The following RNF38 variants were observed in gnomAD, a reference collection of about 807,000 sequenced individuals.
RNF38 encodes the protein E3 ubiquitin-protein ligase RNF38.
Under a neutral mutation model 67.2 loss-of-function variants are expected in RNF38, and 15 were observed. The observed-to-expected ratio is 0.22, with a 90% CI of 0.15 to 0.34. The LOEUF (loss-of-function observed/expected upper bound fraction) is 0.34. RNF38 is among the 10% of genes least tolerant of loss of function. The pLI is 1.00. For missense variants in RNF38, 524 were observed against 639.9 expected (o/e 0.82, Z 1.95); for synonymous variants, 220 against 218.8 (o/e 1.01, Z -0.05).
rs1833511493 is a variant in RNF38, at chr9:36,349,040, A to G, written c.1263+2075T>C. Among the ~76,000 whole-genome samples, 4 of 152,090 alleles carry G rather than the reference A, an allele frequency of 2.6e-5. No homozygotes were observed. In the South Asian group the frequency reaches 8.3e-4, roughly 32 times the overall value. ...ATCTGCCATTCTGTGGGCCCTTAAG[A>G]AATTATGCTAAATCTACACTGCCCA... On this transcript the variant is annotated intron_variant, in intron 9 of 11. Coordinates refer to ENST00000259605, the MANE Select transcript of RNF38 (RefSeq NM_022781.5).
chr9:36,451,339 T>C (rs10972909), intron 1 of RNF38, among the ~76,000 whole-genome samples: 101,186 of 151,088 alleles, frequency 0.67, 33,948 homozygotes, highest in Non-Finnish European at 0.69. Context: ...GTGGCACGCA[T>C]CTATAATCCC....
chr9:36,402,173 A>T (rs1838060433), upstream of RNF38, among the ~76,000 whole-genome samples: 1 of 152,206 alleles, frequency 6.6e-6, no homozygotes, highest in Non-Finnish European at 1.5e-5. Flanking sequence ...CAATAACATC[A>T]TAGGTTTTGG....
intron 1 of RNF38, among the ~76,000 whole-genome samples, chr9:36,444,645 C>T (rs1268601475): frequency 6.6e-6 from 1 of 152,062 alleles, no homozygotes; most frequent in Non-Finnish European, 1.5e-5. Context: ...ACCAAAAATA[C>T]AAAAATTAGC....
At chr9:36,444,598 G>C (rs1456000283) in intron 1 of RNF38, among the ~76,000 whole-genome samples, 1 of 152,168 alleles carries the variant, frequency 6.6e-6, no homozygotes, top group Non-Finnish European at 1.5e-5. Context: ...TCAGGAGTTT[G>C]AGACCAGCCT....
intron 10 of RNF38, 52 bp from the exon 11 acceptor site, chr9:36,342,476 G>A: frequency 9.0e-7 from 1 of 1,110,876 alleles, no homozygotes; most frequent in East Asian, 2.4e-5. Flanking sequence ...GTTTTCTATT[G>A]TTATGACTAC....
chr9:36,477,532 G>A (rs1211698072), intron 1 of RNF38, among the ~76,000 whole-genome samples: 1 of 151,570 alleles, frequency 6.6e-6, no homozygotes, highest in African/African-American at 2.4e-5. Flanking sequence ...TAAAAGGTTA[G>A]TGTAGTTGGC....
rs773380104 is a variant in RNF38 at position 36,339,731 on chromosome 9, A to T, written c.*21T>A. The T allele has an allele frequency of 6.2e-7, 1 of 1,604,610 alleles. No homozygotes were observed. Among genetic ancestry groups the T allele is most frequent in the Non-Finnish European group, 8.5e-7 (1 of 1,172,746 alleles). On this transcript the variant is annotated 3_prime_UTR_variant, in exon 12 of 12. Transcript: ENST00000259605. Reference sequence around the variant, plus strand: ...CATGTGATGAGGAACACCCAAACTAAATTTGTGCTTCTTAGGTTGGTCATT... The same window carrying T: ...CATGTGATGAGGAACACCCAAACTATATTTGTGCTTCTTAGGTTGGTCATT...
chr9:36,339,664 T>A lies in RNF38; in HGVS notation c.*88A>T, dbSNP rs1436166940. 9.5e-7 allele frequency: 1 copy of A among 1,051,734 alleles called. No individual in the cohort carries two copies. The highest frequency in any genetic ancestry group is 1.5e-6 in the Non-Finnish European group (1 of 688,552). The allele number at this position is 1,051,734 out of a possible 1,614,324, so 65.2% of individuals were successfully genotyped here. ...TTGACCCTTTTGGTAAAGGGAGGGC[T>A]GGAAGCCACACAGATTAAGTTCAAT... On this transcript the variant is annotated 3_prime_UTR_variant, in exon 12 of 12. Transcript: ENST00000259605.
rs1170443929 is a variant in RNF38, at chr9:36,369,918, C to T, written c.371G>A (p.Arg124His). ...ARNRRSPPVR[R>H]QRGRRDRLSR... ...CAGACGATCCCTTCTTCCTCTCTGG[C>T]GCCTGACAGGAGGACTGTGATAAAT... Residue 124 changes from arginine (R) to histidine (H), a missense_variant, in exon 4 of 12, where the codon CGC becomes CAC. Physicochemically the swap from Arg to His is conservative, Grantham distance 29. This residue lies in a region of RNF38 where 461 missense variants were observed against 517.4 expected (regional missense o/e 0.89). Coordinates refer to ENST00000259605, the MANE Select transcript of RNF38 (RefSeq NM_022781.5). The T allele has an allele frequency of 6.2e-7, 1 of 1,612,102 alleles. No homozygotes were observed. The highest frequency in any genetic ancestry group is 8.5e-7 in the Non-Finnish European group (1 of 1,179,596).
chr9:36,400,715 C>T (rs1428588958), upstream of RNF38: 1 of 985,596 alleles, frequency 1.0e-6, no homozygotes, highest in African/African-American at 1.7e-5. Flanking sequence ...GGCACTGTCA[C>T]TGCGCTTCCT....
intron 2 of RNF38, among the ~76,000 whole-genome samples, chr9:36,414,483 G>A (rs889414060): frequency 1.3e-5 from 2 of 151,966 alleles, no homozygotes; most frequent in Non-Finnish European, 2.9e-5. Flanking sequence ...TTGGGAGTTC[G>A]AGACCAGCCT....
chr9:36,402,246 C>T (rs559220432), upstream of RNF38, among the ~76,000 whole-genome samples: 2 of 152,268 alleles, frequency 1.3e-5, no homozygotes, highest in East Asian at 3.9e-4. Flanking sequence ...CATATCCACC[C>T]CAAACCCATA....
intron 1 of RNF38, among the ~76,000 whole-genome samples, chr9:36,453,069 C>T (rs1047793297): frequency 3.3e-5 from 5 of 152,064 alleles, no homozygotes; most frequent in South Asian, 2.1e-4. Flanking sequence ...TTTTGAGGAA[C>T]GGCCAAACTG....
rs2134427655 is a variant in RNF38, at chr9:36,474,959, T to C, written n.241+12349A>G. 1.4e-5 allele frequency among the ~76,000 whole-genome samples: 2 copies of C among 146,872 alleles called. 1 individual carries two copies. Among genetic ancestry groups the C allele is most frequent in the African/African-American group, 5.1e-5 (2 of 39,590 alleles). ...GAGTTCAAAACCAGCCTGGCCAACA[T>C]GGTGAAACCCCATGTCTACTAAAAA... is the stretch of plus-strand genomic sequence containing the variant. On this transcript the variant is annotated intron_variant and non_coding_transcript_variant, in intron 1 of 3. Transcript: ENST00000488058.
intron 1 of RNF38, among the ~76,000 whole-genome samples, chr9:36,399,542 T>G (rs12350206): frequency 0.017 from 2,550 of 147,532 alleles, 74 homozygotes; most frequent in African/African-American, 0.061. Context: ...TAAATATATA[T>G]TTATAAACCC....
At chr9:36,455,764 A>AT (rs1159479576) in intron 1 of RNF38, among the ~76,000 whole-genome samples, 1 of 151,670 alleles carries the variant, frequency 6.6e-6, no homozygotes, top group Non-Finnish European at 1.5e-5. Context: ...TCTCTACTAA[A>AT]AGTACAAAAA....
chr9:36,390,715 G>A, intron 1 of RNF38, 99 bp from the exon 2 acceptor site: 1 of 1,192,058 alleles, frequency 8.4e-7, no homozygotes, highest in Non-Finnish European at 1.2e-6. Flanking sequence ...GGTATTTGAT[G>A]ATTCTGCTAG....
chr9:36,487,324 G>A, exon 1 of RNF38: 1 of 985,284 alleles, frequency 1.0e-6, no homozygotes. Flanking sequence ...CCGGCGCTCG[G>A]CCGCAGGCGC....
At chr9:36,400,540 G>T, upstream of RNF38, 1 of 990,060 alleles carries the variant, frequency 1.0e-6, no homozygotes, top group Non-Finnish European at 1.2e-6. Flanking sequence ...GCCAACGGCC[G>T]CGGCGGCCAG....
Sources: allele counts gnomAD v4.1 joint callset (sites outside exome capture counted in the v4.1 genomes callset), GRCh38; gene constraint gnomAD v4.1.1; regional missense constraint gnomAD v4.1.1; transcripts MANE v1.5; gene names NCBI Gene and HGNC (gene_info 2026-07-23, HGNC 2026-07-21).